The following ZDHHC16 variants were observed in gnomAD, a reference collection of about 807,000 sequenced individuals.
The protein encoded by ZDHHC16 is zDHHC palmitoyltransferase 16, also known as palmitoyltransferase ZDHHC16.
In ZDHHC16, 33 loss-of-function variants were observed where a neutral mutation model predicts 54.4. That is an observed-to-expected ratio of 0.61 (90% CI 0.46 to 0.81). The LOEUF is 0.81. ZDHHC16 is among the 30% of genes least tolerant of loss of function. ZDHHC16 has a pLI of 0.00. For synonymous variants in ZDHHC16, 185 were observed against 182.1 expected (o/e 1.02, Z -0.13); for missense variants, 420 against 485.9 (o/e 0.86, Z 1.28).
In ZDHHC16 at chr10:97,452,099, G is replaced by T; in HGVS notation, c.253G>T (p.Val85Phe). The T allele has an allele frequency of 6.2e-7, 1 of 1,613,828 alleles. No homozygotes were observed. The highest frequency in any genetic ancestry group is 1.6e-4 in the Middle Eastern group (1 of 6,062). Residue 85 changes from valine to phenylalanine, a missense_variant, in exon 4 of 12, where the codon GTC (valine) becomes TTC (phenylalanine). Physicochemically the swap from Val to Phe is conservative, Grantham distance 50 (BLOSUM62 -1). Coordinates refer to ENST00000393760, the MANE Select transcript of ZDHHC16 (RefSeq NM_198046.3). The part of the protein sequence containing the change: ...VIRWFGVVFV[V>F]LVIVLTGSIV... The stretch of plus-strand genomic sequence containing the variant: ...TTGCTGGTGTTGGCAGGTGTTCGTG[G>T]TCCTGGTGATCGTGCTGACAGGCTC...
chr10:97,447,842 G>A (rs915445114), intron 1 of ZDHHC16, among the ~76,000 whole-genome samples: 1 of 151,842 alleles, frequency 6.6e-6, no homozygotes, highest in Non-Finnish European at 1.5e-5. Flanking sequence ...AGAATTGCTT[G>A]AACCCAGGAG....
rs955396506 is a variant in ZDHHC16 at position 97,452,647 on chromosome 10, C to T, written c.527+144C>T. The T allele has an allele frequency of 2.1e-5, 21 of 1,021,692 alleles. No individual in the cohort carries two copies. The African/African-American group carries it at 2.4e-4, about 12-fold the overall frequency. 63.3% of individuals were successfully genotyped at this position (1,021,692 alleles called of 1,614,324 possible). ...GTGCCCTCTTCTCCTGACACCTCAT[C>T]CTTAGGATGGTCCTGTGAGTTAGGC... On this transcript the variant is annotated intron_variant, in intron 5 of 11. Transcript: ENST00000393760.
intron 2 of ZDHHC16, among the ~76,000 whole-genome samples, 200 bp from the exon 3 acceptor site, chr10:97,451,471 C>A (rs1846601626): frequency 6.6e-6 from 1 of 152,204 alleles, no homozygotes; most frequent in South Asian, 2.1e-4. Context: ...CAGTTTTACT[C>A]CCTTAATCTG....
At chr10:97,447,055 C>T (rs1846132580) in intron 1 of ZDHHC16, among the ~76,000 whole-genome samples, 1 of 152,210 alleles carries the variant, frequency 6.6e-6, no homozygotes, top group Admixed American at 6.5e-5. Flanking sequence ...CGGTCCGATC[C>T]TCTTCGCGGC....
intron 1 of ZDHHC16, among the ~76,000 whole-genome samples, chr10:97,448,843 G>C (rs532296480): frequency 1.7e-3 from 254 of 152,260 alleles, no homozygotes; most frequent in African/African-American, 5.2e-3. Flanking sequence ...AAAGTATATG[G>C]GAAGATACGT....
Position 97,451,897 on chromosome 10 carries a change from C to T in ZDHHC16, c.222C>T (p.Asn74=), listed in dbSNP as rs139979124. The part of the protein sequence containing the change: ...AFEPVYWLVD[N]VIRWFGVVFV... ...AGCCTGTCTACTGGCTGGTAGACAACGTGATCCGCTGGTTTGGAGTGGTGA... is the reference window on the plus strand; with the variant it reads ...AGCCTGTCTACTGGCTGGTAGACAATGTGATCCGCTGGTTTGGAGTGGTGA... Residue 74 remains asparagine, a synonymous_variant, in exon 3 of 12, where the codon AAC becomes AAT. Coordinates refer to ENST00000393760, the MANE Select transcript of ZDHHC16 (RefSeq NM_198046.3). The T allele has an allele frequency of 8.8e-5, 142 of 1,612,588 alleles. No individual in the cohort carries two copies. The highest frequency in any genetic ancestry group is 3.9e-4 in the African/African-American group (29 of 74,918).
rs141510622 is a variant in ZDHHC16 at position 97,451,689 on chromosome 10, G to A, written c.14G>A (p.Arg5Gln). The change falls in exon 3 of 12, where the codon CGG (arginine) becomes CAG (glutamine). Residue 5 changes from arginine (R) to glutamine (Q), a missense_variant. Transcript: ENST00000393760. ...CTCGTAGGAACCATGCGAGGCCAGCGGAGCCTGCTGCTGGGCCCGGCCCGC... is the reference window on the plus strand; with the variant it reads ...CTCGTAGGAACCATGCGAGGCCAGCAGAGCCTGCTGCTGGGCCCGGCCCGC... MRGQRSLLLGPARLC... is the reference protein window; with the variant it reads MRGQQSLLLGPARLC... The A allele has an allele frequency of 5.5e-5, 88 of 1,610,842 alleles. No homozygotes were observed. Among genetic ancestry groups the A allele is most frequent in the Non-Finnish European group, 6.8e-5 (80 of 1,179,432 alleles).
At chr10:97,453,703 C>G (rs762400576) in intron 7 of ZDHHC16, 40 bp downstream of exon 7, 3 of 1,614,120 alleles carry the variant, frequency 1.9e-6, no homozygotes. Flanking sequence ...TAGTGCAGAA[C>G]TTCGGGATGT....
chr10:97,452,770 C>A, intron 5 of ZDHHC16, 125 bp from the exon 6 acceptor site: 2 of 1,321,524 alleles, frequency 1.5e-6, no homozygotes, highest in Non-Finnish European at 2.2e-6. Context: ...GAAGCAAGGC[C>A]TGGCTGTCTT....
In ZDHHC16 at chr10:97,455,718, G is replaced by C. The variant is rs1398807887; in HGVS notation, c.883G>C (p.Gly295Arg). Residue 295 changes from glycine (G) to arginine (R), a missense_variant, in exon 10 of 12, where the codon GGT becomes CGT. By Grantham distance (125) the Gly-to-Arg change is moderately radical. Transcript: ENST00000393760. Reference protein sequence around the residue: ...TVWHAVLISRGETSIERHINK... With the variant: ...TVWHAVLISRRETSIERHINK... ...ATGGCATGCTGTTCTCATCAGTCGA[G>C]GTGAGACTAGCATCGAAAGGCACAT... The C allele has an allele frequency of 6.2e-7, 1 of 1,614,076 alleles. No individual in the cohort carries two copies. The highest frequency in any genetic ancestry group is 8.5e-7 in the Non-Finnish European group (1 of 1,180,050).
intron 9 of ZDHHC16, 99 bp downstream of exon 9, chr10:97,454,898 A>G: frequency 1.0e-6 from 1 of 1,003,490 alleles, no homozygotes; most frequent in South Asian, 1.4e-5. Flanking sequence ...GTGAACTGCC[A>G]CTGCTCTAGT....
chr10:97,452,747 C>A, intron 5 of ZDHHC16, 148 bp from the exon 6 acceptor site: 1 of 1,116,072 alleles, frequency 9.0e-7, no homozygotes, highest in Non-Finnish European at 1.3e-6. Flanking sequence ...CATTAAACTG[C>A]AGAGCTGGGT....
At chr10:97,448,733 G>A (rs975486975) in intron 1 of ZDHHC16, among the ~76,000 whole-genome samples, 11 of 152,172 alleles carry the variant, frequency 7.2e-5, no homozygotes, top group African/African-American at 2.7e-4. Flanking sequence ...ACTACAGCCT[G>A]GGCAACAGAG....
chr10:97,449,332 T>C (rs1257756134), intron 1 of ZDHHC16, among the ~76,000 whole-genome samples: 1 of 152,178 alleles, frequency 6.6e-6, no homozygotes, highest in South Asian at 2.1e-4. Flanking sequence ...AAAAGTATTT[T>C]GGCAAATAGG....
In ZDHHC16 at chr10:97,446,218, G is replaced by T. The variant is rs966531815; in HGVS notation, c.-321G>T. 12 of 624,824 alleles carry T rather than the reference G, an allele frequency of 1.9e-5. No homozygotes were observed. The highest frequency in any genetic ancestry group is 3.3e-5 in the Non-Finnish European group (12 of 358,782). The allele number at this position is 624,824 out of a possible 1,614,324, so 38.7% of individuals were successfully genotyped here. A position where few individuals can be genotyped will look rare whatever the true frequency, so the allele number is the denominator to read the frequency against. On this transcript the variant is annotated 5_prime_UTR_variant, in exon 1 of 12. Coordinates refer to ENST00000393760, the MANE Select transcript of ZDHHC16 (RefSeq NM_198046.3). ...GCGGCGGGTCCGGGTCCGCTGCCTG[G>T]CGCTGCGGGCGGCGGGCCATGGTGG...
intron 1 of ZDHHC16, among the ~76,000 whole-genome samples, chr10:97,447,357 T>G (rs1015098509): frequency 2.6e-5 from 4 of 152,202 alleles, no homozygotes; most frequent in African/African-American, 9.6e-5. Flanking sequence ...CCGTCTGTCC[T>G]TCCCTGTCCC....
chr10:97,452,764 C>A, intron 5 of ZDHHC16, 131 bp from the exon 6 acceptor site: 2 of 1,265,760 alleles, frequency 1.6e-6, no homozygotes, highest in Non-Finnish European at 2.3e-6. Context: ...GGGTTTGAAG[C>A]AAGGCCTGGC....
intron 9 of ZDHHC16, 46 bp downstream of exon 9, chr10:97,454,845 A>C (rs1847014058): frequency 1.4e-5 from 22 of 1,593,840 alleles, no homozygotes; most frequent in Non-Finnish European, 1.9e-5. Context: ...TTCAGAAAAA[A>C]AGTTTTTTAG....
Position 97,453,428 on chromosome 10 carries a change from T to C in ZDHHC16, c.557-102T>C, listed in dbSNP as rs910858451. On this transcript the variant is annotated intron_variant, in intron 6 of 11. Transcript: ENST00000393760. ...AAGTAGTTCTTAGTGACTGGAAGCCTGAGGCTTGGGTGATATTGTCAGGAA... is the reference window on the plus strand; with the variant it reads ...AAGTAGTTCTTAGTGACTGGAAGCCCGAGGCTTGGGTGATATTGTCAGGAA... The C allele has an allele frequency of 1.3e-5, 19 of 1,489,482 alleles. No individual in the cohort carries two copies. In the Admixed American group the frequency reaches 3.6e-4, roughly 28 times the overall value. 92.3% of individuals were successfully genotyped at this position (1,489,482 alleles called of 1,614,324 possible).
Sources: allele counts gnomAD v4.1 joint callset (sites outside exome capture counted in the v4.1 genomes callset), GRCh38; gene constraint gnomAD v4.1.1; transcripts MANE v1.5; gene names NCBI Gene and HGNC (gene_info 2026-07-23, HGNC 2026-07-21).